The following LIMS1 variants were observed in gnomAD, a reference collection of about 807,000 sequenced individuals.
LIMS1 encodes LIM zinc finger domain containing 1, also known as LIM and senescent cell antigen-like-containing domain protein 1.
A neutral mutation model predicts 44.1 loss-of-function variants in LIMS1; 18 were observed. The ratio of observed to expected loss-of-function variants is 0.41; its 90% confidence interval spans 0.28 to 0.61. The LOEUF (loss-of-function observed/expected upper bound fraction) is 0.61. Ranked by LOEUF, LIMS1 falls within the 20% of genes least tolerant of loss-of-function variation. The pLI is 0.32. For missense variants in LIMS1, 201 were observed against 422.0 expected, an observed-to-expected ratio of 0.48 and a Z score of 4.59; for synonymous variants, 93 against 149.1, an observed-to-expected ratio of 0.62 and a Z score of 2.74.
intron 1 of LIMS1, among the ~76,000 whole-genome samples, chr2:108,627,400 G>GTT (rs58261864): frequency 5.6e-5 from 6 of 107,054 alleles, no homozygotes; most frequent in Non-Finnish European, 7.6e-5. Flanking sequence ...TCCCTTTCTG[G>GTT]TTTTTTTTTT....
At chr2:108,580,619 T>C (rs1344344480) in intron 1 of LIMS1, among the ~76,000 whole-genome samples, 1 of 152,212 alleles carries the variant, frequency 6.6e-6, no homozygotes, top group South Asian at 2.1e-4. Flanking sequence ...CAGAAGTAGA[T>C]GCAGCCTGTA....
chr2:108,682,864 A>G (rs1325356548), intron 9 of LIMS1, among the ~76,000 whole-genome samples: 1 of 152,222 alleles, frequency 6.6e-6, no homozygotes, highest in African/African-American at 2.4e-5. Flanking sequence ...CCTGAATATA[A>G]TTTCACAGAC....
chr2:108,647,229 T>A (rs987431183), intron 1 of LIMS1, among the ~76,000 whole-genome samples: 1 of 152,072 alleles, frequency 6.6e-6, no homozygotes, highest in Non-Finnish European at 1.5e-5. Context: ...AATGGATAAA[T>A]CGCTGGACAT....
At chr2:108,639,943 G>A (rs1180439772) in intron 1 of LIMS1, among the ~76,000 whole-genome samples, 5 of 152,190 alleles carry the variant, frequency 3.3e-5, no homozygotes, top group Non-Finnish European at 7.3e-5. Flanking sequence ...CCATCCCAAA[G>A]CACTTACACA....
intron 1 of LIMS1, among the ~76,000 whole-genome samples, chr2:108,559,508 ATTACTT>A (rs1447567324): frequency 2.0e-5 from 3 of 152,202 alleles, no homozygotes; most frequent in Non-Finnish European, 4.4e-5. Flanking sequence ...TTTAAAAACT[ATTACTT>A]TTAGTTTGCA....
intron 2 of LIMS1, among the ~76,000 whole-genome samples, chr2:108,667,062 C>T (rs1412560518): frequency 6.6e-6 from 1 of 151,870 alleles, no homozygotes; most frequent in Non-Finnish European, 1.5e-5. Context: ...CAGCTCCTCT[C>T]TGCCTTTCCT....
chr2:108,618,874 G>GC (rs1688080933), intron 1 of LIMS1, among the ~76,000 whole-genome samples: 1 of 151,186 alleles, frequency 6.6e-6, no homozygotes, highest in Admixed American at 6.6e-5. Flanking sequence ...TTCCCCAAAG[G>GC]CCCAGAATTT....
At chr2:108,680,543 A>T (rs1426935026) in intron 8 of LIMS1, 152 bp from the exon 9 acceptor site, 1,605 of 832,250 alleles carry the variant, frequency 1.9e-3, no homozygotes, top group Non-Finnish European at 2.3e-3. Context: ...TCTCATTTAA[A>T]AAAAAAAAAA....
intron 1 of LIMS1, among the ~76,000 whole-genome samples, chr2:108,612,071 C>G (rs201434003): frequency 7.1e-6 from 1 of 141,512 alleles, no homozygotes; most frequent in Admixed American, 7.2e-5. Flanking sequence ...TATATATATA[C>G]ATATATATAT....
chr2:108,564,092 A>G (rs76573880), intron 1 of LIMS1, among the ~76,000 whole-genome samples: 3,840 of 151,656 alleles, frequency 0.025, 125 homozygotes, highest in South Asian at 0.14. Flanking sequence ...GTTTGCCACA[A>G]GGAGGTTTTC....
intron 1 of LIMS1, among the ~76,000 whole-genome samples, chr2:108,569,147 T>G (rs1171442626): frequency 1.3e-5 from 2 of 152,178 alleles, no homozygotes; most frequent in African/African-American, 4.8e-5. Context: ...TACCTCATCC[T>G]CCCAAAGTGC....
intron 1 of LIMS1, among the ~76,000 whole-genome samples, chr2:108,586,757 T>G (rs1210748578): frequency 6.6e-6 from 1 of 152,164 alleles, no homozygotes; most frequent in East Asian, 1.9e-4. Flanking sequence ...ATTTTGGGGC[T>G]GTAGCTCAGA....
At chr2:108,596,229 C>T (rs1294467143) in intron 1 of LIMS1, among the ~76,000 whole-genome samples, 14 of 151,768 alleles carry the variant, frequency 9.2e-5, no homozygotes, top group African/African-American at 2.2e-4. Context: ...AGTATTAATA[C>T]GAGTTAATTT....
intron 1 of LIMS1, among the ~76,000 whole-genome samples, chr2:108,623,740 AC>A (rs1688397548): frequency 6.6e-6 from 1 of 152,168 alleles, no homozygotes; most frequent in Admixed American, 6.5e-5. Flanking sequence ...ATTGCATAAG[AC>A]CCATTCCAGC....
rs186266229 is a variant in LIMS1, at chr2:108,570,303, G to T, written c.32+35709G>T. ...AACATTAGCCAGCATGGTGGCGCGT[G>T]CCTGTAATCCCAGCTACTCGGGTGG... On this transcript the variant is annotated intron_variant, in intron 1 of 9. Coordinates refer to ENST00000544547, the Ensembl canonical transcript of LIMS1. 4.6e-5 allele frequency among the ~76,000 whole-genome samples: 7 copies of T among 152,162 alleles called. 1 individual carries two copies. Among genetic ancestry groups the T allele is most frequent in the African/African-American group, 1.4e-4 (6 of 41,536 alleles).
chr2:108,670,293 C>T (rs1692079652), intron 2 of LIMS1, among the ~76,000 whole-genome samples: 1 of 151,568 alleles, frequency 6.6e-6, no homozygotes, highest in African/African-American at 2.4e-5. Flanking sequence ...AAGAACTAGC[C>T]TAGGCAACAT....
intron 1 of LIMS1, among the ~76,000 whole-genome samples, chr2:108,605,261 G>A (rs1004778903): frequency 2.6e-5 from 4 of 152,212 alleles, no homozygotes; most frequent in Non-Finnish European, 5.9e-5. Flanking sequence ...GTGGTACACT[G>A]TGTCCAAAGG....
exon 5 of LIMS1, chr2:108,672,943 G>C (rs1425989275): frequency 9.5e-7 from 1 of 1,049,682 alleles, no homozygotes; most frequent in Non-Finnish European, 1.4e-6. Flanking sequence ...ACATCTGCCA[G>C]AAATGCCATG....
intron 1 of LIMS1, among the ~76,000 whole-genome samples, chr2:108,565,572 T>G (rs970707356): frequency 6.6e-6 from 1 of 152,170 alleles, no homozygotes; most frequent in Non-Finnish European, 1.5e-5. Flanking sequence ...AAATGTAAAT[T>G]TTAAATATAA....
Sources: allele counts gnomAD v4.1 joint callset (sites outside exome capture counted in the v4.1 genomes callset), GRCh38; gene constraint gnomAD v4.1.1; transcripts MANE v1.5; gene names NCBI Gene and HGNC (gene_info 2026-07-23, HGNC 2026-07-21).